The following SLC2A10 variants were observed in gnomAD, a reference collection of about 807,000 sequenced individuals.
SLC2A10 encodes the protein solute carrier family 2 member 10.
Under a neutral mutation model 32.1 loss-of-function variants are expected in SLC2A10, and 25 were observed. That is an observed-to-expected ratio of 0.78 (90% confidence interval 0.57 to 1.09). The LOEUF (loss-of-function observed/expected upper bound fraction) is 1.09. Ranked by LOEUF, SLC2A10 falls within the 50% of genes least tolerant of loss-of-function variation. The probability of loss-of-function intolerance (pLI) is 0.00; values close to 1 mark genes in which losing one functional copy is unlikely to be tolerated. For missense variants in SLC2A10, 673 were observed against 686.5 expected (o/e 0.98, Z 0.22); for synonymous variants, 332 against 309.6 (o/e 1.07, Z -0.76).
At chr20:46,726,408 T>C in intron 2 of SLC2A10, 84 bp downstream of exon 2, 1 of 1,544,164 alleles carries the variant, frequency 6.5e-7, no homozygotes, top group Non-Finnish European at 8.7e-7. Flanking sequence ...CCTGATGACC[T>C]GGCAGGGTGT....
rs113297458 is a variant in SLC2A10, at chr20:46,719,333, T to A, written c.5-5708T>A. On this transcript the variant is annotated intron_variant, in intron 1 of 4. Transcript: ENST00000359271. ...TCTCTTAGCACCAGCTGTTGAAGGGTTATGTTTTGAAGGTGTATTAGTCTG... is the reference window on the plus strand; with the variant it reads ...TCTCTTAGCACCAGCTGTTGAAGGGATATGTTTTGAAGGTGTATTAGTCTG... 6.1e-4 allele frequency among the ~76,000 whole-genome samples: 93 copies of A among 152,164 alleles called. 4 individuals carry two copies. Among genetic ancestry groups the A allele is most frequent in the Middle Eastern group, 3.4e-3 (1 of 294 alleles).
intron 4 of SLC2A10, among the ~76,000 whole-genome samples, chr20:46,731,698 A>C (rs1980307309): frequency 1.3e-5 from 2 of 152,116 alleles, no homozygotes; most frequent in Admixed American, 6.5e-5. Context: ...GTCCAGAGGC[A>C]GGTCTGTGTT....
intron 4 of SLC2A10, among the ~76,000 whole-genome samples, chr20:46,733,435 T>G (rs1980401710): frequency 6.6e-6 from 1 of 152,098 alleles, no homozygotes; most frequent in South Asian, 2.1e-4. Flanking sequence ...GAATTACAAT[T>G]GAACATGAGA....
Position 46,713,943 on chromosome 20 carries a change from C to A in SLC2A10, c.4+4203C>A, listed in dbSNP as rs183247865. ...GTACAGTGGAGAGTTGAGGAAGATG[C>A]ATGGGAATTGGTCAGGAACTCCCTC... is the stretch of plus-strand genomic sequence containing the variant. On this transcript the variant is annotated intron_variant, in intron 1 of 4. Transcript: ENST00000359271. 2.5e-3 allele frequency among the ~76,000 whole-genome samples: 380 copies of A among 152,200 alleles called. 1 individual carries two copies. Among genetic ancestry groups the A allele is most frequent in the African/African-American group, 9.0e-3 (373 of 41,536 alleles).
chr20:46,725,712 GA>G lies in SLC2A10; in HGVS notation c.677del (p.Asp226ValfsTer19). On this transcript the variant is annotated frameshift_variant, in exon 2 of 5. Coordinates refer to ENST00000359271, the MANE Select transcript of SLC2A10 (RefSeq NM_030777.4). LOFTEE classifies it high-confidence loss of function. ...CTTTCTGGACCTCTTCAGGGCACGCGATAACATGCGAGGCCGGACCACAGTG... is the reference window on the plus strand; with the variant it reads ...CTTTCTGGACCTCTTCAGGGCACGCGTAACATGCGAGGCCGGACCACAGTG... ...YSFLDLFRAR[D>X]NMRGRTTVGL... 11 of 1,614,098 alleles carry G rather than the reference GA, an allele frequency of 6.8e-6. No homozygotes were observed. The highest frequency in any genetic ancestry group is 9.3e-6 in the Non-Finnish European group (11 of 1,180,038).
chr20:46,716,542 C>G (rs1022788698), intron 1 of SLC2A10, among the ~76,000 whole-genome samples: 1 of 152,032 alleles, frequency 6.6e-6, no homozygotes, highest in Non-Finnish European at 1.5e-5. Context: ...CTTGTCAGGT[C>G]CAGGGTGGGG....
chr20:46,724,778 T>G (rs1979760849), intron 1 of SLC2A10, among the ~76,000 whole-genome samples: 2 of 147,926 alleles, frequency 1.4e-5, no homozygotes, highest in African/African-American at 5.0e-5. Flanking sequence ...ATGGTTGAAT[T>G]GATGGAGTGG....
Position 46,725,468 on chromosome 20 carries a change from C to T in SLC2A10, c.432C>T (p.Thr144=), listed in dbSNP as rs371344477. 2.6e-5 allele frequency: 42 copies of T among 1,613,984 alleles called. No homozygotes were observed. The East Asian group carries it at 5.6e-4, about 21-fold the overall frequency. ...VLVSLYEAGI[T]VGILLSYALN... ...TGTCCCTCTATGAGGCAGGCATCACCGTGGGCATCCTGCTCTCCTATGCCC... is the reference window on the plus strand; with the variant it reads ...TGTCCCTCTATGAGGCAGGCATCACTGTGGGCATCCTGCTCTCCTATGCCC... The change falls in exon 2 of 5, where the codon ACC becomes ACT. Residue 144 remains threonine, a synonymous_variant. Transcript: ENST00000359271.
At chr20:46,710,014 G>A (rs1600652820) in intron 1 of SLC2A10, 1 of 526,384 alleles carries the variant, frequency 1.9e-6, no homozygotes, top group Non-Finnish European at 3.3e-6. Flanking sequence ...TCTCCCGGGC[G>A]CCCTGATCCG....
In SLC2A10 at chr20:46,711,917, T is replaced by C. The variant is rs568483879; in HGVS notation, c.4+2177T>C. On this transcript the variant is annotated intron_variant, in intron 1 of 4. Coordinates refer to ENST00000359271, the MANE Select transcript of SLC2A10 (RefSeq NM_030777.4). The stretch of plus-strand genomic sequence containing the variant: ...CGGCTCATCACCTATATCTGGTAAA[T>C]GGTGAGTGAATGTGAGTTTTTATTT... 8.5e-5 allele frequency among the ~76,000 whole-genome samples: 13 copies of C among 152,256 alleles called. No homozygotes were observed. In the South Asian group the frequency reaches 2.5e-3, roughly 29 times the overall value.
chr20:46,730,799 G>A (rs1488988245), intron 4 of SLC2A10, among the ~76,000 whole-genome samples: 2 of 152,178 alleles, frequency 1.3e-5, no homozygotes, highest in Non-Finnish European at 1.5e-5. Flanking sequence ...ACTTCAAAGT[G>A]CTACAGTCCT....
intron 1 of SLC2A10, among the ~76,000 whole-genome samples, chr20:46,715,735 C>T (rs1307630978): frequency 1.3e-5 from 2 of 152,192 alleles, no homozygotes; most frequent in Non-Finnish European, 2.9e-5. Flanking sequence ...AGAGTGAAAT[C>T]ACATTTCACC....
At chr20:46,710,058 G>A (rs1266938024) in intron 1 of SLC2A10, 1 of 482,188 alleles carries the variant, frequency 2.1e-6, no homozygotes, top group East Asian at 3.5e-5. Context: ...TTCCTGGTCT[G>A]CAGATGAAGA....
chr20:46,723,363 C>T (rs973937267), intron 1 of SLC2A10, among the ~76,000 whole-genome samples: 2 of 152,216 alleles, frequency 1.3e-5, no homozygotes, highest in African/African-American at 4.8e-5. Context: ...CAAAAAAACT[C>T]CCTCTTCCAT....
intron 1 of SLC2A10, among the ~76,000 whole-genome samples, chr20:46,721,437 C>CAAAA (rs763252434): frequency 1.7e-5 from 2 of 116,022 alleles, no homozygotes; most frequent in African/African-American, 2.8e-5. Context: ...CCTCAATTAG[C>CAAAA]AAAAAAAAAA....
chr20:46,710,189 C>T, intron 1 of SLC2A10: 1 of 419,974 alleles, frequency 2.4e-6, no homozygotes, highest in Middle Eastern at 6.0e-4. Flanking sequence ...ACAGACGAAC[C>T]CCCTCCTCTG....
intron 3 of SLC2A10, among the ~76,000 whole-genome samples, chr20:46,727,713 TG>T (rs901143601): frequency 6.6e-6 from 1 of 152,140 alleles, no homozygotes; most frequent in African/African-American, 2.4e-5. Flanking sequence ...GGAAATGATG[TG>T]GGCCCAGAAC....
At chr20:46,729,921 C>A (rs936688462) in intron 4 of SLC2A10, among the ~76,000 whole-genome samples, 1 of 152,094 alleles carries the variant, frequency 6.6e-6, no homozygotes, top group Non-Finnish European at 1.5e-5. Context: ...TGAGCCACCG[C>A]GCCCGGCCGG....
Position 46,709,682 on chromosome 20 carries a change from G to A in SLC2A10, c.-55G>A. 5 of 1,534,426 alleles carry A rather than the reference G, an allele frequency of 3.3e-6. No individual in the cohort carries two copies. The South Asian group carries it at 3.6e-5, about 11-fold the overall frequency. On this transcript the variant is annotated 5_prime_UTR_variant, in exon 1 of 5. Coordinates refer to ENST00000359271, the MANE Select transcript of SLC2A10 (RefSeq NM_030777.4). ...GCAGCGGCGTTGGGGACTCCGGCGG[G>A]GGATGCGCGCCCGGCCCCTCAGCGC...
Sources: gnomAD v4.1 joint callset for allele counts (sites outside exome capture counted in the v4.1 genomes callset) on GRCh38, gnomAD v4.1.1 for gene constraint, MANE v1.5 for transcripts, NCBI Gene and HGNC (gene_info 2026-07-23, HGNC 2026-07-21) for gene names.